The following ZNF365 variants were observed in gnomAD, a reference collection of about 807,000 sequenced individuals.
The protein encoded by ZNF365 is zinc finger protein 365.
A neutral mutation model predicts 35.0 loss-of-function variants in ZNF365; 22 were observed. That is an observed-to-expected ratio of 0.63 (90% CI 0.45 to 0.90). The LOEUF (loss-of-function observed/expected upper bound fraction) is 0.90. Among genes scored for constraint, ZNF365 ranks in the 40% least tolerant of loss-of-function variants. The pLI, the probability that ZNF365 is intolerant of heterozygous loss-of-function variation, is 0.00. For synonymous variants in ZNF365, 188 were observed against 196.2 expected (o/e 0.96, Z 0.35); for missense variants, 448 against 500.3 (o/e 0.90, Z 1.00).
In ZNF365 at chr10:62,396,767, C is replaced by G. The variant is rs536985835; in HGVS notation, c.925-1973C>G. 2.6e-5 allele frequency among the ~76,000 whole-genome samples: 4 copies of G among 152,310 alleles called. No individual in the cohort carries two copies. The East Asian group carries it at 5.8e-4, about 22-fold the overall frequency. The stretch of plus-strand genomic sequence containing the variant: ...ACACATGTATTTGTTCTCTCTCTCT[C>G]TCTCTCAATTTTGCATAAAATTCCA... On this transcript the variant is annotated intron_variant, in intron 3 of 4. Coordinates refer to ENST00000395254, the MANE Select transcript of ZNF365 (RefSeq NM_014951.3).
At chr10:62,453,693 T>C (rs1342761647) in intron 3 of ZNF365, among the ~76,000 whole-genome samples, 1 of 152,230 alleles carries the variant, frequency 6.6e-6, no homozygotes, top group Non-Finnish European at 1.5e-5. Flanking sequence ...TATTTTTAGT[T>C]CTTTGAGAAA....
intron 1 of ZNF365, among the ~76,000 whole-genome samples, chr10:62,374,823 ACCCTTTT>A (rs1839287499): frequency 6.6e-6 from 1 of 151,890 alleles, no homozygotes; most frequent in Non-Finnish European, 1.5e-5. Flanking sequence ...CCAAAATGCC[ACCCTTTT>A]CCCATTGCCC....
chr10:62,389,439 G>GTTT (rs59551708), intron 3 of ZNF365, among the ~76,000 whole-genome samples: 246 of 148,260 alleles, frequency 1.7e-3, no homozygotes, highest in Middle Eastern at 3.4e-3. Context: ...AAATAGTTTT[G>GTTT]TTTTTTTTTT....
At chr10:62,379,967 CGGATA>C (rs2132409580) in intron 2 of ZNF365, among the ~76,000 whole-genome samples, 1 of 152,274 alleles carries the variant, frequency 6.6e-6, no homozygotes, top group East Asian at 1.9e-4. Flanking sequence ...CTTTGAAACA[CGGATA>C]GTAGATTTGG....
chr10:62,389,617 A>G (rs1398158648), intron 3 of ZNF365, among the ~76,000 whole-genome samples: 1 of 152,194 alleles, frequency 6.6e-6, no homozygotes, highest in Non-Finnish European at 1.5e-5. Flanking sequence ...TAAGAAAACT[A>G]ATTGTCCAGA....
intron 3 of ZNF365, among the ~76,000 whole-genome samples, chr10:62,415,516 G>C (rs536638209): frequency 6.6e-6 from 1 of 152,000 alleles, no homozygotes; most frequent in Non-Finnish European, 1.5e-5. Flanking sequence ...ATCTAATCTT[G>C]ATCTCATTAG....
intron 3 of ZNF365, among the ~76,000 whole-genome samples, chr10:62,428,011 A>T (rs1840275954): frequency 6.6e-6 from 1 of 152,162 alleles, no homozygotes; most frequent in Non-Finnish European, 1.5e-5. Context: ...TGGCGTAGGA[A>T]CTTTGTAGCC....
intron 3 of ZNF365, among the ~76,000 whole-genome samples, chr10:62,423,656 G>T (rs575914914): frequency 6.7e-4 from 102 of 152,220 alleles, no homozygotes; most frequent in Non-Finnish European, 1.3e-3. Context: ...TGAGGGTAGC[G>T]TAGGTGACAC....
chr10:62,376,283 G>A lies in ZNF365; in HGVS notation c.90G>A (p.Arg30=). 1 of 1,614,144 alleles carries A rather than the reference G, an allele frequency of 6.2e-7. No individual in the cohort carries two copies. Among genetic ancestry groups the A allele is most frequent in the Non-Finnish European group, 8.5e-7 (1 of 1,180,030 alleles). Residue 30 remains arginine (R), a synonymous_variant, in exon 2 of 5, where the codon AGG becomes AGA. Coordinates refer to ENST00000395254, the MANE Select transcript of ZNF365 (RefSeq NM_014951.3). ...VAVCLPLRCP[R]CGDHTRFRSL... ...TGTGCCTGCCATTACGCTGCCCGAG[G>A]TGTGGAGACCATACCAGATTTAGAA...
rs1839996454 is a variant in ZNF365, at chr10:62,412,229, T to A, written c.924+23653T>A. 3.3e-5 allele frequency among the ~76,000 whole-genome samples: 5 copies of A among 152,056 alleles called. No individual in the cohort carries two copies. In the East Asian group the frequency reaches 7.7e-4, roughly 23 times the overall value. ...GATGCAGAAAAGGCCTTCAATAAAA[T>A]TCAACATTGCTTCATGTTAAAAACT... On this transcript the variant is annotated intron_variant, in intron 3 of 4. Coordinates refer to the ZNF365 transcript ENST00000395255.
intron 3 of ZNF365, among the ~76,000 whole-genome samples, chr10:62,442,158 T>G (rs1840511961): frequency 6.6e-6 from 1 of 152,174 alleles, no homozygotes; most frequent in Non-Finnish European, 1.5e-5. Context: ...CAGAGTGTAC[T>G]TTTCGTTTTA....
At chr10:62,416,492 G>A (rs1057285314) in intron 3 of ZNF365, among the ~76,000 whole-genome samples, 1 of 151,956 alleles carries the variant, frequency 6.6e-6, no homozygotes, top group African/African-American at 2.4e-5. Context: ...CCTATTTTTC[G>A]AATGTCTTGA....
chr10:62,418,530 C>T (rs1036853852), intron 3 of ZNF365, among the ~76,000 whole-genome samples: 4 of 151,930 alleles, frequency 2.6e-5, no homozygotes, highest in African/African-American at 9.7e-5. Flanking sequence ...TGTCTCCTCT[C>T]TGTTATAGCT....
chr10:62,391,533 A>G (rs1647626084), intron 3 of ZNF365, among the ~76,000 whole-genome samples: 1 of 152,260 alleles, frequency 6.6e-6, no homozygotes, highest in South Asian at 2.1e-4. Context: ...ACTTAGAATA[A>G]CGGTCTCCAG....
intron 3 of ZNF365, among the ~76,000 whole-genome samples, chr10:62,458,033 G>A (rs751537021): frequency 6.6e-6 from 1 of 152,216 alleles, no homozygotes; most frequent in African/African-American, 2.4e-5. Context: ...GGGAGGGGAC[G>A]AAGGTTTCTG....
chr10:62,450,463 A>G (rs1305118043), intron 3 of ZNF365, among the ~76,000 whole-genome samples: 2 of 152,190 alleles, frequency 1.3e-5, no homozygotes, highest in African/African-American at 2.4e-5. Context: ...CTCTGAGGTC[A>G]TTGTCTTGAG....
intron 1 of ZNF365, chr10:62,375,579 A>G (rs1468433111): frequency 1.3e-5 from 2 of 153,472 alleles, no homozygotes; most frequent in Non-Finnish European, 2.9e-5. Flanking sequence ...AGCTTGAGTA[A>G]TCTTTCCTGT....
At chr10:62,465,738 C>T (rs922628283) in intron 4 of ZNF365, among the ~76,000 whole-genome samples, 29 of 152,164 alleles carry the variant, frequency 1.9e-4, no homozygotes, top group Non-Finnish European at 3.5e-4. Flanking sequence ...CACATAACCT[C>T]ATTCTTCCTG....
intron 3 of ZNF365, among the ~76,000 whole-genome samples, chr10:62,455,068 G>A (rs890377183): frequency 6.6e-6 from 1 of 152,230 alleles, no homozygotes; most frequent in African/African-American, 2.4e-5. Flanking sequence ...GGCAGGCAAG[G>A]TTAGAATAAG....
Sources: gnomAD v4.1 joint callset for allele counts (sites outside exome capture counted in the v4.1 genomes callset) on GRCh38, gnomAD v4.1.1 for gene constraint, MANE v1.5 for transcripts, NCBI Gene and HGNC (gene_info 2026-07-23, HGNC 2026-07-21) for gene names.